Variants in RAB38 observed in about 807,000 individuals in gnomAD.
RAB38 encodes ras-related protein Rab-38.
In RAB38, 15 loss-of-function variants were observed where a neutral mutation model predicts 18.4. The observed-to-expected ratio is 0.82, with a 90% CI of 0.55 to 1.26. The LOEUF is 1.26. Among genes scored for constraint, RAB38 ranks in the 50% most tolerant of loss-of-function variants. RAB38 has a pLI of 0.00. For missense variants in RAB38, 294 were observed against 267.4 expected (o/e 1.10, Z -0.69); for synonymous variants, 101 against 104.4 (o/e 0.97, Z 0.20).
At chr11:88,169,651 G>A (rs1253193256) in intron 1 of RAB38, among the ~76,000 whole-genome samples, 3 of 152,172 alleles carry the variant, frequency 2.0e-5, no homozygotes, top group Non-Finnish European at 4.4e-5. Flanking sequence ...GTCTCAAGTT[G>A]TGCAGCCCTG....
chr11:88,172,112 T>C (rs1229589917), intron 1 of RAB38, among the ~76,000 whole-genome samples: 2 of 152,228 alleles, frequency 1.3e-5, no homozygotes, highest in Non-Finnish European at 2.9e-5. Flanking sequence ...CAGCAAGGCT[T>C]GACTCTGAGT....
At chr11:87,928,414 T>C in the RAB38 span, among the ~76,000 whole-genome samples, 1 of 152,094 alleles carries the variant, frequency 6.6e-6, no homozygotes, top group Non-Finnish European at 1.5e-5. Context: ...CCATGATATA[T>C]ACCTCTTATA....
At chr11:88,083,960 T>G in the RAB38 span, among the ~76,000 whole-genome samples, 1 of 152,002 alleles carries the variant, frequency 6.6e-6, no homozygotes, top group African/African-American at 2.4e-5. Flanking sequence ...GATCTTTTTC[T>G]CTCTCATTTA....
chr11:87,865,343 A>AG, the RAB38 span, among the ~76,000 whole-genome samples: 1 of 151,758 alleles, frequency 6.6e-6, no homozygotes, highest in South Asian at 2.1e-4. Context: ...AAAGGGAAGC[A>AG]GAAAAATCAG....
intron 2 of RAB38, among the ~76,000 whole-genome samples, chr11:88,123,743 A>G (rs1313625982): frequency 6.6e-6 from 1 of 152,218 alleles, no homozygotes; most frequent in Non-Finnish European, 1.5e-5. Flanking sequence ...CTTACCTATA[A>G]GGCAGAGATA....
chr11:88,113,329 T>C lies in RAB38; in HGVS notation c.*659A>G, dbSNP rs973767255. 1.3e-5 allele frequency: 2 copies of C among 152,644 alleles called. No individual in the cohort carries two copies. Among genetic ancestry groups the C allele is most frequent in the African/African-American group, 2.4e-5 (1 of 41,432 alleles). The allele number at this position is 152,644 out of a possible 1,614,324, so 9.5% of individuals were successfully genotyped here. A position where few individuals can be genotyped will look rare whatever the true frequency, so the allele number is the denominator to read the frequency against. On this transcript the variant is annotated 3_prime_UTR_variant, in exon 3 of 3. Coordinates refer to ENST00000243662, the MANE Select transcript of RAB38 (RefSeq NM_022337.3). The stretch of plus-strand genomic sequence containing the variant: ...ATATATATTACATGTATAGCATGTA[T>C]AGAGGAGCCCCACAGCTTGAGTCAG...
At chr11:87,929,076 C>T in the RAB38 span, among the ~76,000 whole-genome samples, 1 of 151,998 alleles carries the variant, frequency 6.6e-6, no homozygotes, top group South Asian at 2.1e-4. Flanking sequence ...GATCACAACA[C>T]TGCCCTCCAG....
chr11:88,127,385 G>A (rs146115733), intron 2 of RAB38, among the ~76,000 whole-genome samples: 2 of 152,304 alleles, frequency 1.3e-5, no homozygotes, highest in African/African-American at 4.8e-5. Context: ...TGATTGTGCA[G>A]TGGTCATAAA....
At chr11:87,914,756 G>A in the RAB38 span, among the ~76,000 whole-genome samples, 1 of 152,178 alleles carries the variant, frequency 6.6e-6, no homozygotes, top group Non-Finnish European at 1.5e-5. Context: ...TTAGAGGACA[G>A]GCCTGAGGGA....
chr11:87,914,096 G>A, the RAB38 span, among the ~76,000 whole-genome samples: 19 of 152,030 alleles, frequency 1.2e-4, no homozygotes, highest in African/African-American at 4.6e-4. Flanking sequence ...ATGAGCAAAG[G>A]TTGAAAGAGT....
At chr11:87,952,802 TTATAACAA>T in the RAB38 span, among the ~76,000 whole-genome samples, 3 of 152,188 alleles carry the variant, frequency 2.0e-5, no homozygotes, top group African/African-American at 7.2e-5. Flanking sequence ...GTTTGTCTGA[TTATAACAA>T]TAGCACATGC....
At chr11:88,111,328 A>G (rs1044374997), downstream of RAB38, among the ~76,000 whole-genome samples, 6 of 152,110 alleles carry the variant, frequency 3.9e-5, no homozygotes, top group South Asian at 2.1e-4. Context: ...ACTATCTAGT[A>G]GCAACCCCAT....
chr11:88,048,835 T>C, the RAB38 span, among the ~76,000 whole-genome samples: 1 of 152,156 alleles, frequency 6.6e-6, no homozygotes, highest in Non-Finnish European at 1.5e-5. Context: ...TTAAAGTAAA[T>C]AATCTTTGCT....
At chr11:88,088,599 G>T in the RAB38 span, among the ~76,000 whole-genome samples, 1 of 151,760 alleles carries the variant, frequency 6.6e-6, no homozygotes, top group African/African-American at 2.4e-5. Flanking sequence ...TTTAAATCTG[G>T]CTTAGATTTC....
chr11:87,955,284 A>G, the RAB38 span, among the ~76,000 whole-genome samples: 6 of 152,206 alleles, frequency 3.9e-5, no homozygotes, highest in Non-Finnish European at 8.8e-5. Flanking sequence ...TTTCCTCTCT[A>G]GTCTCAAGTG....
the RAB38 span, among the ~76,000 whole-genome samples, chr11:87,942,863 A>G: frequency 6.6e-6 from 1 of 152,286 alleles, no homozygotes; most frequent in East Asian, 1.9e-4. Context: ...TTCATAGAAA[A>G]GAATTTATAT....
chr11:88,078,766 C>G, the RAB38 span, among the ~76,000 whole-genome samples: 1 of 151,614 alleles, frequency 6.6e-6, no homozygotes. Flanking sequence ...GCAATCAGTA[C>G]AAATATACAA....
chr11:87,886,316 A>AGTGT, the RAB38 span, among the ~76,000 whole-genome samples: 123 of 149,422 alleles, frequency 8.2e-4, no homozygotes, highest in African/African-American at 2.1e-3. Context: ...CTATGTTGTG[A>AGTGT]GTGTGTGTGT....
chr11:88,047,159 T>C, the RAB38 span, among the ~76,000 whole-genome samples: 1 of 152,144 alleles, frequency 6.6e-6, no homozygotes, highest in African/African-American at 2.4e-5. Context: ...CTGACACATA[T>C]ACTTTCTGCT....
Sources: gnomAD v4.1 joint callset for allele counts (sites outside exome capture counted in the v4.1 genomes callset) on GRCh38, gnomAD v4.1.1 for gene constraint, MANE v1.5 for transcripts, NCBI Gene and HGNC (gene_info 2026-07-23, HGNC 2026-07-21) for gene names.